MACROD2: variants seen among roughly 807,000 people sequenced by gnomAD.
MACROD2 encodes ADP-ribose glycohydrolase MACROD2.
Under a neutral mutation model 70.4 loss-of-function variants are expected in MACROD2, and 36 were observed. The ratio of observed to expected loss-of-function variants is 0.51; its 90% CI spans 0.39 to 0.68. MACROD2 has a LOEUF of 0.68. Among genes scored for constraint, MACROD2 ranks in the 30% least tolerant of loss-of-function variants. MACROD2 has a pLI of 0.00. For missense variants in MACROD2, 496 were observed against 538.4 expected, an observed-to-expected ratio of 0.92 and a Z score of 0.78; for synonymous variants, 172 against 178.8, an observed-to-expected ratio of 0.96 and a Z score of 0.30.
At chr20:14,701,106 T>C (rs2071191381) in intron 5 of MACROD2, among the ~76,000 whole-genome samples, 1 of 152,068 alleles carries the variant, frequency 6.6e-6, no homozygotes, top group African/African-American at 2.4e-5. Context: ...AAAATATAAG[T>C]GGGAATCAGT....
chr20:15,708,666 A>G, intron 8 of MACROD2, among the ~76,000 whole-genome samples: 1 of 141,172 alleles, frequency 7.1e-6, no homozygotes, highest in East Asian at 1.9e-4. Flanking sequence ...TAAGGCCAGG[A>G]GTTCAAGACC....
intron 8 of MACROD2, among the ~76,000 whole-genome samples, chr20:15,839,708 A>C (rs6079982): frequency 1.1e-3 from 172 of 152,176 alleles, no homozygotes; most frequent in African/African-American, 3.9e-3. Context: ...AAAATCCCAG[A>C]TATTTGAGGG....
At chr20:14,330,870 T>C (rs2082823960) in intron 3 of MACROD2, among the ~76,000 whole-genome samples, 1 of 152,138 alleles carries the variant, frequency 6.6e-6, no homozygotes, top group South Asian at 2.1e-4. Flanking sequence ...GCTGAAATTA[T>C]AATTACAAAG....
intron 5 of MACROD2, among the ~76,000 whole-genome samples, chr20:14,750,153 T>C (rs550962014): frequency 1.3e-5 from 2 of 152,282 alleles, no homozygotes; most frequent in Admixed American, 6.5e-5. Flanking sequence ...ATTATCCTTA[T>C]TGTTTAGCCT....
intron 8 of MACROD2, among the ~76,000 whole-genome samples, chr20:15,653,916 T>C (rs1008754497): frequency 6.6e-6 from 1 of 152,062 alleles, no homozygotes; most frequent in Non-Finnish European, 1.5e-5. Context: ...GCTTTCTTGA[T>C]TTTTCCACTC....
At chr20:15,563,578 G>A (rs894594501) in intron 8 of MACROD2, among the ~76,000 whole-genome samples, 5 of 152,196 alleles carry the variant, frequency 3.3e-5, no homozygotes, top group Non-Finnish European at 5.9e-5. Flanking sequence ...CTATTAAAAA[G>A]TATATTTCAC....
At chr20:14,990,314 A>G (rs1303454503) in intron 5 of MACROD2, among the ~76,000 whole-genome samples, 3 of 152,054 alleles carry the variant, frequency 2.0e-5, no homozygotes, top group Non-Finnish European at 4.4e-5. Flanking sequence ...GTGGAACACA[A>G]TTTGAGTGAG....
At chr20:15,611,289 C>T (rs1162527419) in intron 8 of MACROD2, among the ~76,000 whole-genome samples, 1 of 152,078 alleles carries the variant, frequency 6.6e-6, no homozygotes, top group Non-Finnish European at 1.5e-5. Context: ...CTGCCTCCCC[C>T]AAAAAATGCC....
intron 7 of MACROD2, among the ~76,000 whole-genome samples, chr20:15,490,131 TTTCCTTCCTTCCTTCC>T (rs111772643): frequency 4.2e-5 from 6 of 141,758 alleles, no homozygotes; most frequent in Non-Finnish European, 7.6e-5. Flanking sequence ...CCTCTTGGCA[TTTCCTTCCTTCCTTCC>T]TTCCTTCCTT....
At chr20:15,848,541 G>A (rs6514621) in intron 8 of MACROD2, among the ~76,000 whole-genome samples, 80,701 of 152,010 alleles carry the variant, frequency 0.53, 22,587 homozygotes, top group Middle Eastern at 0.64. Flanking sequence ...AGTTCCCGAG[G>A]GAGACTTAAT....
At chr20:15,818,746 T>G (rs914098911) in intron 8 of MACROD2, among the ~76,000 whole-genome samples, 1 of 152,184 alleles carries the variant, frequency 6.6e-6, no homozygotes, top group African/African-American at 2.4e-5. Context: ...AAAGACTGGC[T>G]TTAGTATCCT....
intron 5 of MACROD2, among the ~76,000 whole-genome samples, chr20:14,891,029 A>T (rs1364010443): frequency 4.0e-5 from 4 of 101,138 alleles, no homozygotes; most frequent in Admixed American, 2.8e-4. Flanking sequence ...CTTCCTTCCT[A>T]CCTTCCTTTT....
intron 5 of MACROD2, among the ~76,000 whole-genome samples, chr20:15,052,255 T>C (rs999927287): frequency 1.3e-5 from 2 of 152,224 alleles, no homozygotes; most frequent in Non-Finnish European, 2.9e-5. Context: ...TCTATCTTTG[T>C]GTTCTCTGTG....
chr20:14,044,889 G>C (rs1005111404), intron 2 of MACROD2, among the ~76,000 whole-genome samples: 2 of 152,178 alleles, frequency 1.3e-5, no homozygotes, highest in African/African-American at 4.8e-5. Flanking sequence ...AGTGGCGCTC[G>C]GGGAGGCTCG....
rs73262797 is a variant in MACROD2, at chr20:15,297,083, G to A, written c.540+67022G>A. Among the ~76,000 whole-genome samples the A allele has an allele frequency of 6.9e-3, 1,046 of 152,308 alleles. 14 individuals carry two copies. Among genetic ancestry groups the A allele is most frequent in the African/African-American group, 0.024 (980 of 41,570 alleles). On this transcript the variant is annotated intron_variant, in intron 6 of 17. Transcript: ENST00000684519. The stretch of plus-strand genomic sequence containing the variant: ...GCTGGGCGGCTTACACAGGAGAAAG[G>A]ATCCATGATTTCTGCTTTCGTCCTC...
chr20:15,950,418 A>T (rs1049000762), intron 12 of MACROD2, among the ~76,000 whole-genome samples: 2 of 152,168 alleles, frequency 1.3e-5, no homozygotes, highest in Admixed American at 6.6e-5. Context: ...GCCTCTGCCC[A>T]GGAGTCTCCA....
At chr20:14,814,651 C>G (rs1448804830) in intron 5 of MACROD2, among the ~76,000 whole-genome samples, 1 of 151,892 alleles carries the variant, frequency 6.6e-6, no homozygotes, top group African/African-American at 2.4e-5. Flanking sequence ...TTATAACCAT[C>G]ATTTATTCAA....
chr20:15,753,655 T>C (rs1241397382), intron 8 of MACROD2, among the ~76,000 whole-genome samples: 1 of 152,220 alleles, frequency 6.6e-6, no homozygotes, highest in Middle Eastern at 3.2e-3. Flanking sequence ...CTGGATTAAA[T>C]GGTAATTCTG....
chr20:15,865,334 A>G (rs2064476527), intron 9 of MACROD2, among the ~76,000 whole-genome samples: 1 of 121,588 alleles, frequency 8.2e-6, no homozygotes, highest in Admixed American at 9.2e-5. Flanking sequence ...GATAATTGCT[A>G]TTACAGTTCA....
Sources: allele counts gnomAD v4.1 joint callset (sites outside exome capture counted in the v4.1 genomes callset), GRCh38; gene constraint gnomAD v4.1.1; transcripts MANE v1.5; gene names NCBI Gene and HGNC (gene_info 2026-07-23, HGNC 2026-07-21).